UBE2E2: variants seen among roughly 807,000 people sequenced by gnomAD.
UBE2E2 encodes ubiquitin-conjugating enzyme E2 E2.
In UBE2E2, 6 loss-of-function variants were observed where a neutral mutation model predicts 24.7. The observed-to-expected ratio is 0.24, with a 90% CI of 0.13 to 0.48. UBE2E2 has a LOEUF of 0.48. Ranked by LOEUF, UBE2E2 falls within the 20% of genes least tolerant of loss-of-function variation. The probability of loss-of-function intolerance (pLI) is 0.99; values close to 1 mark genes in which losing one functional copy is unlikely to be tolerated. For missense variants in UBE2E2, 169 were observed against 245.0 expected, an observed-to-expected ratio of 0.69 and a Z score of 2.07; for synonymous variants, 104 against 83.6, an observed-to-expected ratio of 1.24 and a Z score of -1.33.
chr3:23,351,560 C>A (rs533853993), intron 3 of UBE2E2, among the ~76,000 whole-genome samples: 16 of 151,874 alleles, frequency 1.1e-4, no homozygotes, highest in East Asian at 3.9e-4. Context: ...AAATGGAAAA[C>A]GAAAAAAGGC....
chr3:23,508,810 T>C (rs1470311676), intron 4 of UBE2E2, among the ~76,000 whole-genome samples: 5 of 152,186 alleles, frequency 3.3e-5, no homozygotes, highest in African/African-American at 1.2e-4. Context: ...CTAAATTCCT[T>C]CACGATGGAT....
chr3:23,308,816 C>T (rs1019298619), intron 3 of UBE2E2, among the ~76,000 whole-genome samples: 1 of 152,158 alleles, frequency 6.6e-6, no homozygotes. Flanking sequence ...GCATGGCTCT[C>T]TCTAAGTCCG....
At chr3:23,364,671 T>G (rs1362539183) in intron 3 of UBE2E2, among the ~76,000 whole-genome samples, 1 of 152,146 alleles carries the variant, frequency 6.6e-6, no homozygotes, top group Non-Finnish European at 1.5e-5. Flanking sequence ...CCAGACAGAT[T>G]CACAGCCAAA....
chr3:23,343,815 G>A (rs898835853), intron 3 of UBE2E2, among the ~76,000 whole-genome samples: 1 of 152,106 alleles, frequency 6.6e-6, no homozygotes, highest in African/African-American at 2.4e-5. Flanking sequence ...GAATTATACA[G>A]TACTACTTTC....
chr3:23,502,107 C>T (rs1244873567), intron 4 of UBE2E2, among the ~76,000 whole-genome samples: 1 of 152,036 alleles, frequency 6.6e-6, no homozygotes, highest in Non-Finnish European at 1.5e-5. Flanking sequence ...AACAAATACT[C>T]TTATTATTAA....
intron 2 of UBE2E2, among the ~76,000 whole-genome samples, chr3:23,210,918 C>T (rs913594073): frequency 2.0e-5 from 3 of 152,122 alleles, no homozygotes; most frequent in East Asian, 1.9e-4. Context: ...TATAAAAATG[C>T]GGCTTCACTA....
intron 3 of UBE2E2, among the ~76,000 whole-genome samples, chr3:23,295,159 C>T (rs1038367216): frequency 1.3e-5 from 2 of 152,152 alleles, no homozygotes; most frequent in African/African-American, 4.8e-5. Flanking sequence ...GCTGAGATTG[C>T]TTTTTAAAAG....
At chr3:23,282,533 C>G (rs1288016666) in intron 3 of UBE2E2, among the ~76,000 whole-genome samples, 1 of 152,082 alleles carries the variant, frequency 6.6e-6, no homozygotes, top group Non-Finnish European at 1.5e-5. Context: ...AGTTTGTATT[C>G]ACTTTATCTG....
chr3:23,268,468 A>C (rs1298939542), intron 3 of UBE2E2, among the ~76,000 whole-genome samples: 1 of 151,690 alleles, frequency 6.6e-6, no homozygotes, highest in South Asian at 2.1e-4. Context: ...TCAAAGAGAA[A>C]AAAATACCTA....
intron 3 of UBE2E2, among the ~76,000 whole-genome samples, chr3:23,332,674 GGTGTGTGTGTGTGTGTGTGT>G (rs3086989): frequency 1.3e-4 from 14 of 108,070 alleles, no homozygotes; most frequent in Non-Finnish European, 1.8e-4. Context: ...CAGCCAGTGG[GGTGTGTGTGTGTGTGTGTGT>G]GTGTGTGTGT....
intron 3 of UBE2E2, among the ~76,000 whole-genome samples, chr3:23,278,236 C>T (rs980608162): frequency 6.6e-6 from 1 of 152,072 alleles, no homozygotes; most frequent in Admixed American, 6.6e-5. Context: ...GTATGAAAAA[C>T]AGTATTTATT....
chr3:23,589,589 G>A lies in UBE2E2; in HGVS notation c.509-145G>A. The A allele has an allele frequency of 1.4e-6, 1 of 705,166 alleles. No homozygotes were observed. The highest frequency in any genetic ancestry group is 2.7e-5 in the East Asian group (1 of 36,448). 43.7% of individuals were successfully genotyped at this position (705,166 alleles called of 1,614,324 possible). On this transcript the variant is annotated intron_variant, in intron 5 of 5. Coordinates refer to ENST00000396703, the MANE Select transcript of UBE2E2 (RefSeq NM_152653.4). This position sits in a 1 kb window ranked among gnomAD's most constrained non-coding sequence, Gnocchi z 4.1. The stretch of plus-strand genomic sequence containing the variant: ...GTGAAATGTAGTCTGTCAGCAGCAG[G>A]TGACTGGCTCAGCCGCAGCAATGGT...
intron 4 of UBE2E2, among the ~76,000 whole-genome samples, chr3:23,500,563 G>T (rs1201028506): frequency 4.6e-5 from 7 of 152,172 alleles, no homozygotes; most frequent in Non-Finnish European, 1.5e-5. Flanking sequence ...TACCAAGAAA[G>T]AATTCTCGTC....
At chr3:23,396,377 T>G (rs9829577) in intron 3 of UBE2E2, among the ~76,000 whole-genome samples, 6,313 of 148,220 alleles carry the variant, frequency 0.043, 464 homozygotes, top group African/African-American at 0.15. Context: ...AAATAAAAAA[T>G]TATATATGTA....
chr3:23,481,712 G>A (rs899486698), intron 3 of UBE2E2, among the ~76,000 whole-genome samples: 8 of 152,192 alleles, frequency 5.3e-5, no homozygotes. Context: ...AACCCAACAT[G>A]TTAGCAGACA....
chr3:23,217,327 T>G lies in UBE2E2; in HGVS notation c.227+15T>G. 2 of 1,610,866 alleles carry G rather than the reference T, an allele frequency of 1.2e-6. No individual in the cohort carries two copies. Among genetic ancestry groups the G allele is most frequent in the Non-Finnish European group, 1.7e-6 (2 of 1,177,644 alleles). Reference sequence around the variant, plus strand: ...CCCAACTGTAGGTAAGTACTCATGGTTTTTTATTTACTTGTATCTTTTGCA... The same window carrying G: ...CCCAACTGTAGGTAAGTACTCATGGGTTTTTATTTACTTGTATCTTTTGCA... On this transcript the variant is annotated intron_variant, in intron 3 of 5. Transcript: ENST00000396703.
At position 23,371,311 on chromosome 3, in the gene UBE2E2, G is replaced by A. The variant is rs563501601; in HGVS notation, c.228-128297G>A. Among the ~76,000 whole-genome samples the A allele has an allele frequency of 4.3e-4, 65 of 152,262 alleles. No individual in the cohort carries two copies. The Middle Eastern group carries it at 0.01, about 24-fold the overall frequency. ...CTCCCAAAATGCTGAGATTACAGGTGTGAGCCACCCTGTCCAGCCTGTTAA... is the reference window on the plus strand; with the variant it reads ...CTCCCAAAATGCTGAGATTACAGGTATGAGCCACCCTGTCCAGCCTGTTAA... On this transcript the variant is annotated intron_variant, in intron 3 of 5. Transcript: ENST00000396703.
intron 4 of UBE2E2, among the ~76,000 whole-genome samples, chr3:23,517,815 GCAGA>G (rs1396488768): frequency 4.6e-5 from 7 of 152,104 alleles, no homozygotes; most frequent in African/African-American, 1.7e-4. Flanking sequence ...TTATACCACA[GCAGA>G]CAATTTTCTA....
intron 3 of UBE2E2, among the ~76,000 whole-genome samples, chr3:23,465,630 A>G (rs778242900): frequency 1.3e-5 from 2 of 152,152 alleles, no homozygotes; most frequent in African/African-American, 2.4e-5. Flanking sequence ...GCTAACTTCT[A>G]CCTTCTCTTT....
Sources: gnomAD v4.1 joint callset for allele counts (sites outside exome capture counted in the v4.1 genomes callset) on GRCh38, gnomAD v4.1.1 for gene constraint, Gnocchi (gnomAD v3.1) non-coding constraint, MANE v1.5 for transcripts, NCBI Gene and HGNC (gene_info 2026-07-23, HGNC 2026-07-21) for gene names.